The following SYT1 variants were observed in gnomAD, a reference collection of about 807,000 sequenced individuals.
The protein encoded by SYT1 is synaptotagmin 1.
Under a neutral mutation model 44.8 loss-of-function variants are expected in SYT1, and 8 were observed. The ratio of observed to expected loss-of-function variants is 0.18; its 90% CI spans 0.10 to 0.32. SYT1 has a LOEUF of 0.32. Ranked by LOEUF, SYT1 falls within the 10% of genes least tolerant of loss-of-function variation. The pLI, the probability that SYT1 is intolerant of heterozygous loss-of-function variation, is 1.00. For synonymous variants in SYT1, 154 were observed against 188.8 expected, an observed-to-expected ratio of 0.82 and a Z score of 1.51; for missense variants, 286 against 509.3, an observed-to-expected ratio of 0.56 and a Z score of 4.22.
intron 3 of SYT1, among the ~76,000 whole-genome samples, chr12:79,168,471 G>A (rs1292838755): frequency 1.3e-5 from 2 of 152,072 alleles, no homozygotes; most frequent in East Asian, 3.9e-4. Context: ...GGCACACCCA[G>A]CACTAAACTT....
chr12:79,355,033 G>A (rs1309002813), intron 9 of SYT1, among the ~76,000 whole-genome samples: 3 of 152,046 alleles, frequency 2.0e-5, no homozygotes, highest in Non-Finnish European at 4.4e-5. Context: ...ATTTGTCCTG[G>A]CTTCTTCCGG....
At chr12:79,410,232 A>C (rs1868359858) in intron 9 of SYT1, among the ~76,000 whole-genome samples, 1 of 152,134 alleles carries the variant, frequency 6.6e-6, no homozygotes, top group African/African-American at 2.4e-5. Flanking sequence ...ACAGGGTACA[A>C]ATTACATTGT....
intron 1 of SYT1, among the ~76,000 whole-genome samples, chr12:78,915,732 T>C (rs1427851448): frequency 6.6e-6 from 1 of 152,048 alleles, no homozygotes; most frequent in Non-Finnish European, 1.5e-5. Flanking sequence ...TTGAAAATGT[T>C]TTAAAATTTT....
At chr12:79,110,255 A>G (rs1390135128) in intron 3 of SYT1, among the ~76,000 whole-genome samples, 1 of 149,626 alleles carries the variant, frequency 6.7e-6, no homozygotes, top group Non-Finnish European at 1.5e-5. Flanking sequence ...TATTGATTGG[A>G]AAAAAAAAAG....
At chr12:79,412,164 T>C (rs1868470489) in intron 9 of SYT1, among the ~76,000 whole-genome samples, 1 of 152,156 alleles carries the variant, frequency 6.6e-6, no homozygotes, top group Admixed American at 6.6e-5. Flanking sequence ...ACTGGCATGC[T>C]TCCTGGGTCT....
chr12:78,987,415 C>T (rs1368244655), intron 2 of SYT1, among the ~76,000 whole-genome samples: 1 of 151,970 alleles, frequency 6.6e-6, no homozygotes, highest in Non-Finnish European at 1.5e-5. Context: ...ATGCCCAGAA[C>T]ATTAGTTAGA....
At chr12:78,890,445 G>C (rs145447495) in intron 1 of SYT1, among the ~76,000 whole-genome samples, 1 of 151,812 alleles carries the variant, frequency 6.6e-6, no homozygotes, top group Non-Finnish European at 1.5e-5. Context: ...TGTAAATGAC[G>C]AGTTAATGGG....
intron 4 of SYT1, among the ~76,000 whole-genome samples, chr12:79,256,437 T>G (rs1877521714): frequency 6.6e-6 from 1 of 152,226 alleles, no homozygotes; most frequent in Non-Finnish European, 1.5e-5. Context: ...TCATTGCGCT[T>G]TCTTTAGAAG....
At chr12:79,339,359 A>G (rs576629331) in intron 8 of SYT1, among the ~76,000 whole-genome samples, 1 of 152,306 alleles carries the variant, frequency 6.6e-6, no homozygotes, top group African/African-American at 2.4e-5. Flanking sequence ...AATGATCGCC[A>G]TTCTAACTGT....
chr12:79,109,982 A>T (rs1878925493), intron 3 of SYT1, among the ~76,000 whole-genome samples: 1 of 152,262 alleles, frequency 6.6e-6, no homozygotes, highest in Admixed American at 6.5e-5. Flanking sequence ...TTAGTCTCAT[A>T]TGATTCAAAA....
At chr12:79,102,682 C>A (rs1878508607) in intron 3 of SYT1, among the ~76,000 whole-genome samples, 1 of 152,210 alleles carries the variant, frequency 6.6e-6, no homozygotes, top group Non-Finnish European at 1.5e-5. Context: ...TCAGCAAATA[C>A]TGCGTGTGCA....
chr12:79,276,944 A>C (rs1207897183), intron 4 of SYT1, among the ~76,000 whole-genome samples: 4 of 150,324 alleles, frequency 2.7e-5, no homozygotes, highest in Admixed American at 2.0e-4. Context: ...GAGAAGAAGA[A>C]GAAGGAAGAA....
intron 4 of SYT1, among the ~76,000 whole-genome samples, chr12:79,248,990 C>T (rs978861078): frequency 1.6e-4 from 24 of 151,604 alleles, no homozygotes; most frequent in Admixed American, 9.9e-4. Context: ...TTTTTGACTC[C>T]GGAGCATGTT....
intron 9 of SYT1, among the ~76,000 whole-genome samples, chr12:79,363,207 T>G (rs1371114292): frequency 6.6e-6 from 1 of 152,120 alleles, no homozygotes; most frequent in Non-Finnish European, 1.5e-5. Flanking sequence ...AATTCCTATT[T>G]TTAAAAATTA....
At chr12:78,974,599 G>C (rs1265725183) in intron 1 of SYT1, among the ~76,000 whole-genome samples, 1 of 151,666 alleles carries the variant, frequency 6.6e-6, no homozygotes, top group Non-Finnish European at 1.5e-5. Context: ...ACCATGCCCG[G>C]CTAATTTTTT....
chr12:78,895,689 A>G (rs2137083540), intron 1 of SYT1, among the ~76,000 whole-genome samples: 1 of 151,908 alleles, frequency 6.6e-6, no homozygotes, highest in Non-Finnish European at 1.5e-5. Flanking sequence ...GTATTTGAAT[A>G]GTGAGAGCTA....
At chr12:79,270,150 T>C (rs1367185450) in intron 4 of SYT1, among the ~76,000 whole-genome samples, 2 of 152,196 alleles carry the variant, frequency 1.3e-5, no homozygotes, top group African/African-American at 4.8e-5. Context: ...AGCAAGACTT[T>C]GAAAAAGATT....
intron 4 of SYT1, among the ~76,000 whole-genome samples, chr12:79,285,127 T>C (rs1294774098): frequency 6.6e-6 from 1 of 152,184 alleles, no homozygotes; most frequent in Admixed American, 6.5e-5. Flanking sequence ...GCATACATTT[T>C]CCCCATGCTT....
At chr12:79,091,952 T>C (rs573395068) in intron 3 of SYT1, among the ~76,000 whole-genome samples, 1 of 152,116 alleles carries the variant, frequency 6.6e-6, no homozygotes, top group African/African-American at 2.4e-5. Context: ...TCATTTTCAA[T>C]TTTGCTTTGC....
Sources: allele counts gnomAD v4.1 joint callset (sites outside exome capture counted in the v4.1 genomes callset), GRCh38; gene constraint gnomAD v4.1.1; transcripts MANE v1.5; gene names NCBI Gene and HGNC (gene_info 2026-07-23, HGNC 2026-07-21).